FGF14: variants seen among roughly 807,000 people sequenced by gnomAD.
FGF14 encodes the protein fibroblast growth factor homologous factor 4.
A neutral mutation model predicts 25.5 loss-of-function variants in FGF14; 5 were observed. The observed-to-expected ratio is 0.20, with a 90% confidence interval of 0.10 to 0.41. FGF14 has a LOEUF of 0.41. Among genes scored for constraint, FGF14 ranks in the 10% least tolerant of loss-of-function variants. The probability of loss-of-function intolerance (pLI) is 1.00; values close to 1 mark genes in which losing one functional copy is unlikely to be tolerated. For synonymous variants in FGF14, 138 were observed against 118.3 expected (o/e 1.17, Z -1.08); for missense variants, 222 against 320.1 (o/e 0.69, Z 2.34).
intron 1 of FGF14, among the ~76,000 whole-genome samples, chr13:101,975,686 G>A (rs572846201): frequency 1.3e-5 from 2 of 152,142 alleles, no homozygotes; most frequent in South Asian, 2.1e-4. Flanking sequence ...AGTCGTTCCC[G>A]CTGAAACATA....
upstream of FGF14, chr13:102,402,214 T>C (rs1321111449): frequency 1.3e-5 from 2 of 158,934 alleles, no homozygotes; most frequent in East Asian, 3.7e-4. Flanking sequence ...CAATCGCCAG[T>C]GCTCAGTGGG....
intron 1 of FGF14, among the ~76,000 whole-genome samples, chr13:101,982,162 G>C (rs1340111272): frequency 6.6e-6 from 1 of 152,150 alleles, no homozygotes; most frequent in East Asian, 1.9e-4. Context: ...GGTATAAAAA[G>C]ACTAGACTAA....
chr13:102,173,210 C>T (rs1417178422), intron 1 of FGF14, among the ~76,000 whole-genome samples: 1 of 152,014 alleles, frequency 6.6e-6, no homozygotes, highest in Non-Finnish European at 1.5e-5. Flanking sequence ...TGAAGACATA[C>T]AGATAGCCAA....
At chr13:101,915,783 C>G (rs989452763) in intron 1 of FGF14, among the ~76,000 whole-genome samples, 3 of 152,228 alleles carry the variant, frequency 2.0e-5, no homozygotes, top group African/African-American at 4.8e-5. Context: ...CCCCGCTCCC[C>G]GCAATTCGGA....
chr13:101,849,518 G>A (rs1351160616), intron 3 of FGF14, among the ~76,000 whole-genome samples: 3 of 151,978 alleles, frequency 2.0e-5, no homozygotes, highest in Admixed American at 6.6e-5. Flanking sequence ...AGAAGATGCC[G>A]GATGTTTATA....
chr13:102,396,444 G>A (rs779722835), intron 1 of FGF14, among the ~76,000 whole-genome samples: 4 of 152,204 alleles, frequency 2.6e-5, no homozygotes, highest in Non-Finnish European at 5.9e-5. Context: ...CAATTTGAGT[G>A]AGGTATGATG....
intron 1 of FGF14, among the ~76,000 whole-genome samples, chr13:102,386,561 T>C (rs1437820760): frequency 6.6e-6 from 1 of 152,238 alleles, no homozygotes; most frequent in Non-Finnish European, 1.5e-5. Flanking sequence ...CAAAAACTGT[T>C]ATCAAGATAC....
chr13:101,906,876 T>G (rs11843476), intron 1 of FGF14, among the ~76,000 whole-genome samples: 1,749 of 152,226 alleles, frequency 0.011, 33 homozygotes, highest in African/African-American at 0.04. Flanking sequence ...CTTGAAACCC[T>G]TAGGTGTAAA....
At chr13:102,401,033 T>C (rs920151478) in intron 1 of FGF14, among the ~76,000 whole-genome samples, 1 of 152,044 alleles carries the variant, frequency 6.6e-6, no homozygotes, top group Non-Finnish European at 1.5e-5. Context: ...TTGTGCAAGC[T>C]AATCAGAAAG....
intron 1 of FGF14, among the ~76,000 whole-genome samples, chr13:102,317,983 G>A (rs959326436): frequency 4.6e-5 from 7 of 152,116 alleles, no homozygotes; most frequent in African/African-American, 1.7e-4. Context: ...CATAGACATC[G>A]GCCCCAGTCA....
chr13:102,200,619 G>GTTT (rs5806283), intron 1 of FGF14, among the ~76,000 whole-genome samples: 19 of 144,992 alleles, frequency 1.3e-4, no homozygotes, highest in Non-Finnish European at 1.7e-4. Context: ...CCATTTGATT[G>GTTT]TTTTTTTTTT....
intron 1 of FGF14, among the ~76,000 whole-genome samples, chr13:102,389,040 A>C (rs75212084): frequency 2.2e-3 from 333 of 152,292 alleles, no homozygotes; most frequent in African/African-American, 7.7e-3. Flanking sequence ...GAATATGCTT[A>C]TCTCTCCTAC....
At chr13:101,733,129 GT>G (rs1199218477) in intron 3 of FGF14, among the ~76,000 whole-genome samples, 1 of 152,062 alleles carries the variant, frequency 6.6e-6, no homozygotes, top group Non-Finnish European at 1.5e-5. Context: ...CAAAATATTT[GT>G]AGTTAACACT....
At chr13:101,837,345 CT>C (rs1184543071) in intron 3 of FGF14, among the ~76,000 whole-genome samples, 1 of 152,066 alleles carries the variant, frequency 6.6e-6, no homozygotes, top group Non-Finnish European at 1.5e-5. Context: ...TAAATGTGAG[CT>C]CTGCTATGCC....
chr13:101,903,082 A>G (rs1405421585), intron 1 of FGF14, among the ~76,000 whole-genome samples: 3 of 152,014 alleles, frequency 2.0e-5, no homozygotes, highest in Non-Finnish European at 2.9e-5. Context: ...GCTCTTTTCC[A>G]ATGAATTCTA....
At position 101,916,755 on chromosome 13, in the gene FGF14, A is replaced by T. The variant is rs1378795055; in HGVS notation, c.-110T>A. On this transcript the variant is annotated 5_prime_UTR_variant, in exon 1 of 5. Transcript: ENST00000376143. ...CCGTGGCTCGCCCTCGGGGCAGAGG[A>T]GGGGGTGCCAGGCGGGACTGGGGAG... The T allele has an allele frequency of 2.2e-5, 19 of 883,088 alleles. No individual in the cohort carries two copies. The highest frequency in any genetic ancestry group is 3.0e-5 in the Admixed American group (1 of 33,274). 54.7% of individuals were successfully genotyped at this position (883,088 alleles called of 1,614,324 possible).
At chr13:102,270,898 T>G (rs972064392) in intron 1 of FGF14, among the ~76,000 whole-genome samples, 1 of 152,186 alleles carries the variant, frequency 6.6e-6, no homozygotes, top group African/African-American at 2.4e-5. Flanking sequence ...TCAGATAAAT[T>G]TGATTTAATG....
rs79559550 is a variant in FGF14 at position 101,933,927 on chromosome 13, T to C, written c.209-58631A>G. 8.1e-3 allele frequency among the ~76,000 whole-genome samples: 1,227 copies of C among 152,244 alleles called. 36 individuals are homozygous for C. Among genetic ancestry groups the C allele is most frequent in the Admixed American group, 0.046 (696 of 15,282 alleles). ...TATGTTTTATATATGTATACACACA[T>C]ATATATATACATGTATGTATATGTA... On this transcript the variant is annotated intron_variant, in intron 1 of 4. Transcript: ENST00000376131.
At chr13:101,763,971 T>C (rs749892662) in intron 3 of FGF14, among the ~76,000 whole-genome samples, 6 of 152,104 alleles carry the variant, frequency 3.9e-5, no homozygotes, top group Non-Finnish European at 7.4e-5. Flanking sequence ...AATTTGGTCC[T>C]ATATGTATGC....
Sources: gnomAD v4.1 joint callset for allele counts (sites outside exome capture counted in the v4.1 genomes callset) on GRCh38, gnomAD v4.1.1 for gene constraint, MANE v1.5 for transcripts, NCBI Gene and HGNC (gene_info 2026-07-23, HGNC 2026-07-21) for gene names.